NFATC2: variants seen among roughly 807,000 people sequenced by gnomAD.
NFATC2 encodes nuclear factor of activated T-cells, cytoplasmic 2.
In NFATC2, 22 loss-of-function variants were observed where a neutral mutation model predicts 87.3. That is an observed-to-expected ratio of 0.25 (90% confidence interval 0.18 to 0.36). The LOEUF (loss-of-function observed/expected upper bound fraction) is 0.36. Ranked by LOEUF, NFATC2 falls within the 10% of genes least tolerant of loss-of-function variation. The pLI is 1.00. For synonymous variants in NFATC2, 565 were observed against 542.2 expected, an observed-to-expected ratio of 1.04 and a Z score of -0.58; for missense variants, 1,149 against 1,259.1, an observed-to-expected ratio of 0.91 and a Z score of 1.32.
chr20:51,461,930 AG>A (rs1987202522), intron 5 of NFATC2, among the ~76,000 whole-genome samples: 1 of 152,090 alleles, frequency 6.6e-6, no homozygotes, highest in Non-Finnish European at 1.5e-5. Context: ...AGCCTGGCCA[AG>A]GTGGTGAAAC....
At chr20:51,535,638 C>T (rs935774714) in intron 1 of NFATC2, among the ~76,000 whole-genome samples, 4 of 152,220 alleles carry the variant, frequency 2.6e-5, no homozygotes, top group Non-Finnish European at 2.9e-5. Flanking sequence ...GGTGATGTCA[C>T]CCATTGTGGA....
intron 10 of NFATC2, among the ~76,000 whole-genome samples, chr20:51,395,004 C>T (rs540887270): frequency 1.1e-4 from 17 of 152,328 alleles, no homozygotes; most frequent in African/African-American, 3.8e-4. Context: ...TAGCCCACCC[C>T]AAAGACCCTG....
intron 5 of NFATC2, among the ~76,000 whole-genome samples, chr20:51,470,025 G>A (rs1444201540): frequency 6.6e-6 from 1 of 152,260 alleles, no homozygotes; most frequent in Admixed American, 6.5e-5. Context: ...CACCGAGGAG[G>A]CTGGGCTCAG....
intron 9 of NFATC2, among the ~76,000 whole-genome samples, chr20:51,423,994 C>G (rs1474070437): frequency 6.6e-6 from 1 of 152,096 alleles, no homozygotes; most frequent in African/African-American, 2.4e-5. Flanking sequence ...CCACATCATT[C>G]GGGATGAAAG....
chr20:51,418,953 C>CCCCCCCCCCG (rs113178477), intron 9 of NFATC2, among the ~76,000 whole-genome samples: 1 of 149,830 alleles, frequency 6.7e-6, no homozygotes, highest in East Asian at 2.0e-4. Flanking sequence ...CGTGAGCCAC[C>CCCCCCCCCCG]CCCACCGCCC....
intron 1 of NFATC2, among the ~76,000 whole-genome samples, chr20:51,555,082 C>A: frequency 6.6e-6 from 1 of 152,152 alleles, no homozygotes; most frequent in African/African-American, 2.4e-5. Flanking sequence ...AGCTCTCCTG[C>A]CCCACACTGG....
intron 1 of NFATC2, among the ~76,000 whole-genome samples, chr20:51,536,759 C>T (rs907083375): frequency 1.3e-5 from 2 of 152,192 alleles, no homozygotes; most frequent in Non-Finnish European, 2.9e-5. Flanking sequence ...TTTCCAGCTG[C>T]ACCTGGAGAC....
chr20:51,400,192 G>C (rs551298781), intron 9 of NFATC2, among the ~76,000 whole-genome samples: 83 of 152,148 alleles, frequency 5.5e-4, no homozygotes, highest in African/African-American at 1.9e-3. Context: ...TGTTGGAACT[G>C]ATGTTAGAGC....
At chr20:51,544,531 G>A, upstream of NFATC2, among the ~76,000 whole-genome samples, 1 of 152,186 alleles carries the variant, frequency 6.6e-6, no homozygotes, top group East Asian at 1.9e-4. Flanking sequence ...GCACCTGCCT[G>A]GCACTGCCAC....
intron 3 of NFATC2, among the ~76,000 whole-genome samples, chr20:51,487,021 C>T (rs963930468): frequency 2.0e-5 from 3 of 152,202 alleles, no homozygotes; most frequent in South Asian, 2.1e-4. Context: ...GTGAGGCATG[C>T]GCAGTGCTCC....
At chr20:51,504,205 A>T (rs144019764) in intron 3 of NFATC2, among the ~76,000 whole-genome samples, 3,866 of 152,294 alleles carry the variant, frequency 0.025, 147 homozygotes, top group African/African-American at 0.087. Flanking sequence ...TATTTTTAGT[A>T]GAGATGGGGT....
chr20:51,493,566 T>A (rs1486811357), intron 3 of NFATC2, among the ~76,000 whole-genome samples: 3 of 152,190 alleles, frequency 2.0e-5, no homozygotes, highest in African/African-American at 7.2e-5. Flanking sequence ...CCACCCCGAC[T>A]ATGAGTCTCA....
chr20:51,508,711 ACT>A (rs2076225479), intron 3 of NFATC2, among the ~76,000 whole-genome samples: 1 of 151,816 alleles, frequency 6.6e-6, no homozygotes, highest in Non-Finnish European at 1.5e-5. Context: ...GTCCCTAGAG[ACT>A]CTGGCCTTTC....
chr20:51,560,587 G>A (rs1220751980), intron 1 of NFATC2, among the ~76,000 whole-genome samples: 1 of 152,178 alleles, frequency 6.6e-6, no homozygotes, highest in East Asian at 1.9e-4. Flanking sequence ...CACCGTGCAG[G>A]GCATAGTGGG....
rs3029232 is a variant in NFATC2 at position 51,390,095 on chromosome 20, C to CTGTG, written c.*1400_*1401insCACA. On this transcript the variant is annotated 3_prime_UTR_variant, in exon 11 of 11. Transcript: ENST00000371564. ...ACCCACAGAGGAAGACTAGGGGAGA[C>CTGTG]TGGGTGCGCTCAGTGGAAACAGTTG... The CTGTG allele has an allele frequency of 6.6e-6, 1 of 151,828 alleles. No individual in the cohort carries two copies. Among genetic ancestry groups the CTGTG allele is most frequent in the Non-Finnish European group, 1.5e-5 (1 of 67,966 alleles). 9.4% of individuals were successfully genotyped at this position (151,828 alleles called of 1,614,324 possible).
At chr20:51,433,032 G>C (rs1453064594) in intron 8 of NFATC2, among the ~76,000 whole-genome samples, 1 of 152,122 alleles carries the variant, frequency 6.6e-6, no homozygotes, top group African/African-American at 2.4e-5. Context: ...GATGTTTACA[G>C]CCTATCTCTC....
chr20:51,435,884 T>C, intron 6 of NFATC2, 123 bp from the exon 7 acceptor site: 1 of 781,980 alleles, frequency 1.3e-6, no homozygotes, highest in East Asian at 2.7e-5. Context: ...AAGGTGTGTG[T>C]CAATATGTGC....
intron 9 of NFATC2, among the ~76,000 whole-genome samples, chr20:51,403,092 C>T (rs1337731519): frequency 2.0e-5 from 3 of 152,334 alleles, no homozygotes; most frequent in East Asian, 3.9e-4. Flanking sequence ...CTCAAGCGCA[C>T]GTCCTGGAAG....
chr20:51,396,034 G>GTATGTATATATATA (rs1388363273), intron 10 of NFATC2, among the ~76,000 whole-genome samples: 1 of 126,478 alleles, frequency 7.9e-6, no homozygotes, highest in African/African-American at 2.8e-5. Flanking sequence ...TCAGCTCCTA[G>GTATGTATATATATA]TATGTATATA....
Sources: gnomAD v4.1 joint callset for allele counts (sites outside exome capture counted in the v4.1 genomes callset) on GRCh38, gnomAD v4.1.1 for gene constraint, MANE v1.5 for transcripts, NCBI Gene and HGNC (gene_info 2026-07-23, HGNC 2026-07-21) for gene names.